CYP20A1: variants seen among roughly 807,000 people sequenced by gnomAD.
CYP20A1 encodes cytochrome P450 family 20 subfamily A member 1, also known as cytochrome P450 20A1.
A neutral mutation model predicts 61.4 loss-of-function variants in CYP20A1; 61 were observed. That is an observed-to-expected ratio of 0.99 (90% CI 0.81 to 1.23). The LOEUF is 1.23. Among genes scored for constraint, CYP20A1 ranks in the 50% most tolerant of loss-of-function variants. The pLI, the probability that CYP20A1 is intolerant of heterozygous loss-of-function variation, is 0.00. For missense variants in CYP20A1, 530 were observed against 542.4 expected, an observed-to-expected ratio of 0.98 and a Z score of 0.23; for synonymous variants, 193 against 188.2, an observed-to-expected ratio of 1.03 and a Z score of -0.21.
At chr2:203,279,296 G>T (rs555164196) in intron 7 of CYP20A1, among the ~76,000 whole-genome samples, 1 of 152,106 alleles carries the variant, frequency 6.6e-6, no homozygotes, top group Non-Finnish European at 1.5e-5. Flanking sequence ...TACATCATTG[G>T]TAGTACAAGT....
chr2:203,257,982 G>GGAT (rs2066973837), intron 4 of CYP20A1, among the ~76,000 whole-genome samples: 1 of 152,214 alleles, frequency 6.6e-6, no homozygotes. Context: ...GCTCACTGGA[G>GGAT]CATCGAATTC....
In CYP20A1 at chr2:203,304,976, C is replaced by A. The variant is rs911196687; in HGVS notation, c.*8068C>A. Among the ~76,000 whole-genome samples the A allele has an allele frequency of 6.6e-6, 1 of 152,056 alleles. No individual in the cohort carries two copies. On this transcript the variant is annotated 3_prime_UTR_variant, in exon 13 of 13. Coordinates refer to ENST00000356079, the MANE Select transcript of CYP20A1 (RefSeq NM_177538.3). ...TGTTAAACATATACCTTTATTACTT[C>A]ATTTTTGTAAGAGCTTCAGGGAATA...
chr2:203,253,742 A>G (rs541764695), intron 4 of CYP20A1, among the ~76,000 whole-genome samples: 1 of 152,282 alleles, frequency 6.6e-6, no homozygotes, highest in South Asian at 2.1e-4. Context: ...TGTAATACAT[A>G]ATCATGCTTA....
intron 4 of CYP20A1, among the ~76,000 whole-genome samples, chr2:203,263,676 G>A (rs972624367): frequency 1.8e-4 from 28 of 152,122 alleles, no homozygotes; most frequent in African/African-American, 6.8e-4. Flanking sequence ...TTTAGCTTAA[G>A]GGTTATCTAC....
intron 4 of CYP20A1, among the ~76,000 whole-genome samples, chr2:203,265,441 A>G (rs1201559994): frequency 1.3e-5 from 2 of 152,308 alleles, no homozygotes; most frequent in Non-Finnish European, 1.5e-5. Flanking sequence ...TACTAACTCC[A>G]TATTCTCTCT....
chr2:203,261,643 G>A (rs2152069950), intron 4 of CYP20A1, among the ~76,000 whole-genome samples: 1 of 148,434 alleles, frequency 6.7e-6, no homozygotes, highest in East Asian at 2.0e-4. Flanking sequence ...CAGATATATG[G>A]AACAGTCACA....
chr2:203,279,366 T>C (rs1438541454), intron 7 of CYP20A1, among the ~76,000 whole-genome samples: 1 of 152,196 alleles, frequency 6.6e-6, no homozygotes. Context: ...ATTATTAAAT[T>C]GAGCCAAAAT....
chr2:203,295,812 G>A (rs1041274000), intron 11 of CYP20A1, among the ~76,000 whole-genome samples: 1 of 152,056 alleles, frequency 6.6e-6, no homozygotes, highest in Non-Finnish European at 1.5e-5. Context: ...AGCTGGGTGT[G>A]GTGGTGTGCA....
At chr2:203,239,602 C>G (rs889462273) in intron 1 of CYP20A1, among the ~76,000 whole-genome samples, 2 of 152,204 alleles carry the variant, frequency 1.3e-5, no homozygotes, top group African/African-American at 4.8e-5. Context: ...TTCCATCTGT[C>G]CATCGATCTA....
intron 1 of CYP20A1, among the ~76,000 whole-genome samples, chr2:203,245,401 A>C (rs982361087): frequency 4.7e-5 from 7 of 149,872 alleles, no homozygotes; most frequent in Non-Finnish European, 1.0e-4. Context: ...GATTTGTTAC[A>C]TAGGTAAACT....
chr2:203,244,912 T>C (rs2066403729), intron 1 of CYP20A1, among the ~76,000 whole-genome samples: 1 of 151,900 alleles, frequency 6.6e-6, no homozygotes, highest in South Asian at 2.1e-4. Flanking sequence ...TTTTGTATTT[T>C]TAGTAGAGAC....
intron 8 of CYP20A1, among the ~76,000 whole-genome samples, chr2:203,282,035 CTTTTTT>C (rs113768629): frequency 8.6e-6 from 1 of 116,416 alleles, no homozygotes; most frequent in Non-Finnish European, 1.7e-5. Context: ...TGTATTCAAC[CTTTTTT>C]TTTTTTTTTT....
chr2:203,296,483 A>G lies in CYP20A1; in HGVS notation c.1158A>G (p.Pro386=). The G allele has an allele frequency of 6.2e-7, 1 of 1,610,538 alleles. No homozygotes were observed. The highest frequency in any genetic ancestry group is 1.1e-5 in the South Asian group (1 of 90,470). ...NTWPSPHKFD[P]DRFDDELVMK... ...CAAATTTTCTTTGTAGGTTTGATCC[A>G]GATCGGTTTGATGATGAATTAGTAA... Residue 386 remains proline (P), a synonymous_variant, in exon 12 of 13, where the codon CCA becomes CCG. Coordinates refer to ENST00000356079, the MANE Select transcript of CYP20A1 (RefSeq NM_177538.3).
intron 4 of CYP20A1, among the ~76,000 whole-genome samples, chr2:203,260,955 C>G (rs2067111220): frequency 6.6e-6 from 1 of 152,164 alleles, no homozygotes; most frequent in Admixed American, 6.5e-5. Context: ...TTCTCTCTCT[C>G]TCTTTTTTCT....
chr2:203,257,593 GCCTGGCCAACAAAGTGAAACT>G (rs1469154607), intron 4 of CYP20A1, among the ~76,000 whole-genome samples: 1 of 151,934 alleles, frequency 6.6e-6, no homozygotes, highest in Non-Finnish European at 1.5e-5. Context: ...TTCAAGACCA[GCCTGGCCAACAAAGTGAAACT>G]CCGTCTCTAC....
chr2:203,277,775 A>G (rs2067885044), intron 6 of CYP20A1, among the ~76,000 whole-genome samples: 1 of 151,962 alleles, frequency 6.6e-6, no homozygotes, highest in Non-Finnish European at 1.5e-5. Flanking sequence ...CGGCCTCCCA[A>G]AGTGCTGGGA....
At chr2:203,264,340 A>C (rs1186445670) in intron 4 of CYP20A1, among the ~76,000 whole-genome samples, 3 of 151,912 alleles carry the variant, frequency 2.0e-5, no homozygotes, top group African/African-American at 7.3e-5. Flanking sequence ...ATGTTTTCCA[A>C]CTTAGTCTTA....
chr2:203,295,669 C>T (rs1020311954), intron 11 of CYP20A1, among the ~76,000 whole-genome samples: 6 of 152,004 alleles, frequency 3.9e-5, no homozygotes, highest in African/African-American at 1.2e-4. Context: ...TAAAGTAGGC[C>T]GGGTGCCGTG....
Position 203,280,106 on chromosome 2 carries a change from T to C in CYP20A1, c.843T>C (p.Thr281=). 2 of 1,605,138 alleles carry C rather than the reference T, an allele frequency of 1.2e-6. No individual in the cohort carries two copies. Among genetic ancestry groups the C allele is most frequent in the Non-Finnish European group, 1.7e-6 (2 of 1,175,586 alleles). The part of the protein sequence containing the change: ...MIFSLASCII[T]AKLCTWAICF... ...TTTCTCTGGCCAGTTGCATAATAAC[T>C]GCAAAATGTAAGTATAAATTGATTT... Residue 281 remains threonine (T), a synonymous_variant, in exon 8 of 13, where the codon ACT becomes ACC. Transcript: ENST00000356079.
Sources: allele counts gnomAD v4.1 joint callset (sites outside exome capture counted in the v4.1 genomes callset), GRCh38; gene constraint gnomAD v4.1.1; transcripts MANE v1.5; gene names NCBI Gene and HGNC (gene_info 2026-07-23, HGNC 2026-07-21).